The following C14orf39 variants were observed in gnomAD, a reference collection of about 807,000 sequenced individuals.
The protein encoded by C14orf39 is chromosome 14 open reading frame 39, also known as protein SIX6OS1.
Under a neutral mutation model 85.6 loss-of-function variants are expected in C14orf39, and 66 were observed. The ratio of observed to expected loss-of-function variants is 0.77; its 90% CI spans 0.63 to 0.95. C14orf39 has a LOEUF of 0.95. C14orf39 is among the 40% of genes least tolerant of loss of function. C14orf39 has a pLI of 0.00. For missense variants in C14orf39, 735 were observed against 663.9 expected (o/e 1.11, Z -1.18); for synonymous variants, 242 against 214.0 (o/e 1.13, Z -1.14).
intron 1 of C14orf39, 128 bp downstream of exon 1, chr14:60,485,817 G>C (rs1892862303): frequency 6.6e-6 from 1 of 152,296 alleles, no homozygotes; most frequent in Non-Finnish European, 1.5e-5. Context: ...ACCAACCCAG[G>C]GGATAAGGCG....
At chr14:60,445,724 T>C (rs1055302298) in intron 16 of C14orf39, among the ~76,000 whole-genome samples, 7 of 152,210 alleles carry the variant, frequency 4.6e-5, no homozygotes, top group African/African-American at 1.7e-4. Context: ...AATAGACATC[T>C]ACAGTACTCT....
Position 60,483,748 on chromosome 14 carries a change from T to C in C14orf39, c.176A>G (p.Asp59Gly), listed in dbSNP as rs143171024. Residue 59 changes from aspartate to glycine, a missense_variant, in exon 4 of 18, where the codon GAT (aspartate) becomes GGT (glycine). Transcript: ENST00000321731. ...TTTACAGTAATGATCAATTTCCTCA[T>C]CTGTTGCATTTATAGTTTCGTGTAT... ...CRIHETINAT[D>G]EEIDHYCKHS... 1.5e-4 allele frequency: 243 copies of C among 1,589,444 alleles called. No individual in the cohort carries two copies. In the African/African-American group the frequency reaches 3.0e-3, roughly 19 times the overall value.
At chr14:60,499,832 GAACA>G (rs1307860561) in intron 1 of C14orf39, among the ~76,000 whole-genome samples, 1 of 152,050 alleles carries the variant, frequency 6.6e-6, no homozygotes, top group Non-Finnish European at 1.5e-5. Flanking sequence ...GATTTTGAAA[GAACA>G]AACATCCCAA....
chr14:60,457,057 A>G lies in C14orf39; in HGVS notation c.1218T>C (p.Asn406=), dbSNP rs1891312337. The part of the protein sequence containing the change: ...YTEHFGKSVE[N]DSDEVEERAE... ...CTCTCTCTTCTACTTCATCACTATC[A>G]TTTTCTACTGACTTCCCAAAATGTT... is the stretch of plus-strand genomic sequence containing the variant. The change falls in exon 15 of 18, where the codon AAT becomes AAC. Residue 406 remains asparagine, a synonymous_variant. Transcript: ENST00000321731. 1.9e-6 allele frequency: 3 copies of G among 1,604,396 alleles called. No individual in the cohort carries two copies. The highest frequency in any genetic ancestry group is 8.5e-7 in the Non-Finnish European group (1 of 1,176,044).
intron 17 of C14orf39, 26 bp from the exon 18 acceptor site, chr14:60,437,073 C>T (rs1399714827): frequency 6.9e-7 from 1 of 1,457,232 alleles, no homozygotes; most frequent in Non-Finnish European, 9.4e-7. Flanking sequence ...ATTACAATAT[C>T]ATGCTCTTCA....
chr14:60,504,559 C>T (rs571505301), intron 1 of C14orf39, among the ~76,000 whole-genome samples: 10 of 152,278 alleles, frequency 6.6e-5, no homozygotes, highest in African/African-American at 9.6e-5. Context: ...ATTAATCATT[C>T]TTTCAGTCAT....
chr14:60,512,554 C>T (rs1431667876), intron 1 of C14orf39: 1 of 152,158 alleles, frequency 6.6e-6, no homozygotes, highest in Non-Finnish European at 1.5e-5. Context: ...GAGGGTAAAA[C>T]AAGGCTGTAG....
rs942976588 is a variant in C14orf39, at chr14:60,437,166, G to A, written c.1562-119C>T. 5 of 659,944 alleles carry A rather than the reference G, an allele frequency of 7.6e-6. No individual in the cohort carries two copies. In the Admixed American group the frequency reaches 8.6e-5, roughly 11 times the overall value. 40.9% of individuals were successfully genotyped at this position (659,944 alleles called of 1,614,324 possible). A position where few individuals can be genotyped will look rare whatever the true frequency, so the allele number is the denominator to read the frequency against. ...GGTAACACTGAATCAGTGTTACACA[G>A]GAATACAGGTATTTAATTGTATTCC... is the stretch of plus-strand genomic sequence containing the variant. On this transcript the variant is annotated intron_variant, in intron 17 of 17. Coordinates refer to ENST00000321731, the MANE Select transcript of C14orf39 (RefSeq NM_174978.3).
At chr14:60,440,030 GTGCTAT>G (rs1890435382) in intron 17 of C14orf39, among the ~76,000 whole-genome samples, 1 of 152,080 alleles carries the variant, frequency 6.6e-6, no homozygotes, top group African/African-American at 2.4e-5. Context: ...AGCCGAGATA[GTGCTAT>G]TGCACTCCAG....
intron 1 of C14orf39, among the ~76,000 whole-genome samples, chr14:60,485,340 C>T (rs989428026): frequency 6.6e-6 from 1 of 152,198 alleles, no homozygotes; most frequent in Non-Finnish European, 1.5e-5. Flanking sequence ...GTGGGAAGCA[C>T]CCGCATAACC....
At chr14:60,501,011 A>ATG (rs568727295) in intron 1 of C14orf39, among the ~76,000 whole-genome samples, 38 of 149,278 alleles carry the variant, frequency 2.5e-4, no homozygotes, top group South Asian at 8.4e-4. Context: ...ACATGTAGGT[A>ATG]TGTGTGTGTG....
chr14:60,472,804 T>C (rs1415566259), intron 5 of C14orf39, among the ~76,000 whole-genome samples: 5 of 152,212 alleles, frequency 3.3e-5, no homozygotes, highest in Non-Finnish European at 7.3e-5. Flanking sequence ...CAGTCTACCA[T>C]TGTTGGACAT....
In C14orf39 at chr14:60,437,078, T is replaced by C. The variant is rs761594154; in HGVS notation, c.1562-31A>G. ...GAAGATAAACATTACAATATCATGC[T>C]CTTCATATTATATAAAATTTTTATA... On this transcript the variant is annotated intron_variant, in intron 17 of 17. Transcript: ENST00000321731. 5.6e-6 allele frequency: 8 copies of C among 1,433,060 alleles called. No homozygotes were observed. In the African/African-American group the frequency reaches 8.7e-5, roughly 16 times the overall value. 88.8% of individuals were successfully genotyped at this position (1,433,060 alleles called of 1,614,324 possible).
chr14:60,477,608 C>T (rs1381917800), intron 5 of C14orf39, among the ~76,000 whole-genome samples: 2 of 152,032 alleles, frequency 1.3e-5, no homozygotes, highest in Non-Finnish European at 2.9e-5. Flanking sequence ...AATCAGCTGT[C>T]TAAAAAACAG....
chr14:60,492,534 G>A (rs910269558), intron 2 of C14orf39, among the ~76,000 whole-genome samples: 1 of 151,962 alleles, frequency 6.6e-6, no homozygotes, highest in African/African-American at 2.4e-5. Context: ...CACACTTTGG[G>A]AGGCCAACAC....
chr14:60,469,534 TG>T lies in C14orf39; in HGVS notation c.673del (p.Gln225SerfsTer29). 1 of 1,322,070 alleles carries T rather than the reference TG, an allele frequency of 7.6e-7. No homozygotes were observed. Among genetic ancestry groups the T allele is most frequent in the Non-Finnish European group, 1.0e-6 (1 of 967,334 alleles). 81.9% of individuals were successfully genotyped at this position (1,322,070 alleles called of 1,614,324 possible). On this transcript the variant is annotated frameshift_variant and splice_region_variant, in exon 8 of 18. Coordinates refer to ENST00000321731, the MANE Select transcript of C14orf39 (RefSeq NM_174978.3). LOFTEE classifies it high-confidence loss of function. ...AGAAATATATAACAAAATATATACC[TG>T]GTTTAAATAATTAATTTCTATTTCC... ...EMEIEINYLN[Q>X]QISRHNETKA...
At chr14:60,471,842 T>C in intron 5 of C14orf39, 103 bp from the exon 6 acceptor site, 1 of 641,080 alleles carries the variant, frequency 1.6e-6, no homozygotes, top group Non-Finnish European at 2.6e-6. Context: ...AAATCAAATG[T>C]CTTCTTATTC....
chr14:60,497,943 G>A (rs1487809554), intron 2 of C14orf39, among the ~76,000 whole-genome samples: 10 of 152,026 alleles, frequency 6.6e-5, no homozygotes, highest in Non-Finnish European at 1.5e-4. Context: ...AATTCCCTTT[G>A]TACTTATGGT....
intron 1 of C14orf39, chr14:60,509,173 G>T (rs1177287480): frequency 5.3e-6 from 3 of 567,956 alleles, no homozygotes; most frequent in South Asian, 4.1e-5. Context: ...GCCTGCCGGC[G>T]TGCCTGAGCC....
Sources: allele counts gnomAD v4.1 joint callset (sites outside exome capture counted in the v4.1 genomes callset), GRCh38; gene constraint gnomAD v4.1.1; transcripts MANE v1.5; gene names NCBI Gene and HGNC (gene_info 2026-07-23, HGNC 2026-07-21).